XKR6: variants seen among roughly 807,000 people sequenced by gnomAD.
The protein encoded by XKR6 is XK related 6, also known as XK-related protein 6.
Under a neutral mutation model 56.7 loss-of-function variants are expected in XKR6, and 22 were observed. That is an observed-to-expected ratio of 0.39 (90% CI 0.28 to 0.55). The LOEUF (loss-of-function observed/expected upper bound fraction) is 0.55. Among genes scored for constraint, XKR6 ranks in the 20% least tolerant of loss-of-function variants. XKR6 has a pLI of 0.66. For missense variants in XKR6, 852 were observed against 889.0 expected, an observed-to-expected ratio of 0.96 and a Z score of 0.53; for synonymous variants, 524 against 387.8, an observed-to-expected ratio of 1.35 and a Z score of -4.13.
intron 1 of XKR6, among the ~76,000 whole-genome samples, chr8:10,953,982 G>A (rs1158569568): frequency 6.6e-6 from 1 of 152,170 alleles, no homozygotes. Flanking sequence ...AGTGTAGCAT[G>A]CATCAGTACT....
At chr8:11,177,933 C>T (rs143806536) in intron 1 of XKR6, among the ~76,000 whole-genome samples, 256 of 152,354 alleles carry the variant, frequency 1.7e-3, no homozygotes, top group African/African-American at 5.1e-3. Context: ...CCTGCTCCAC[C>T]TAAGCCCCTT....
intron 1 of XKR6, among the ~76,000 whole-genome samples, chr8:10,975,582 C>T (rs981171584): frequency 6.6e-5 from 10 of 152,184 alleles, no homozygotes; most frequent in African/African-American, 1.4e-4. Context: ...CTGCACAACG[C>T]GTGTGGTCTC....
At chr8:11,012,984 C>T (rs942249525) in intron 1 of XKR6, among the ~76,000 whole-genome samples, 1 of 152,176 alleles carries the variant, frequency 6.6e-6, no homozygotes, top group Admixed American at 6.5e-5. Flanking sequence ...AGAGCTCTAA[C>T]AAGATATTTG....
At chr8:11,147,636 C>T (rs1363036465) in intron 1 of XKR6, among the ~76,000 whole-genome samples, 1 of 137,138 alleles carries the variant, frequency 7.3e-6, no homozygotes, top group Non-Finnish European at 1.5e-5. Context: ...AGCCTTGTGA[C>T]AGAGCGAGAC....
intron 1 of XKR6, among the ~76,000 whole-genome samples, chr8:11,118,429 C>T (rs528287866): frequency 6.6e-6 from 1 of 152,274 alleles, no homozygotes; most frequent in East Asian, 1.9e-4. Context: ...CTGTGAAACC[C>T]TCTGGTCCTG....
intron 1 of XKR6, among the ~76,000 whole-genome samples, chr8:11,116,775 A>T (rs1402109492): frequency 6.6e-6 from 1 of 152,172 alleles, no homozygotes; most frequent in African/African-American, 2.4e-5. Flanking sequence ...TCCATGCCAC[A>T]GTCACAGCTG....
chr8:11,059,377 C>G (rs1419705932), intron 1 of XKR6, among the ~76,000 whole-genome samples: 1 of 152,232 alleles, frequency 6.6e-6, no homozygotes, highest in African/African-American at 2.4e-5. Flanking sequence ...TCTCCAGCCC[C>G]CAGCGAACTG....
At chr8:10,904,988 G>A (rs757079563) in intron 2 of XKR6, among the ~76,000 whole-genome samples, 1 of 152,194 alleles carries the variant, frequency 6.6e-6, no homozygotes, top group Non-Finnish European at 1.5e-5. Context: ...GCATGAGGCA[G>A]GACAGAAGTG....
rs551442516 is a variant in XKR6 at position 11,000,719 on chromosome 8, C to T, written c.765-75889G>A. ...TAAATAAAAATAAAGGCACATATTACATGTTTTGGGGTCTCATGATTCTAC... is the reference window on the plus strand; with the variant it reads ...TAAATAAAAATAAAGGCACATATTATATGTTTTGGGGTCTCATGATTCTAC... On this transcript the variant is annotated intron_variant, in intron 1 of 2. Coordinates refer to ENST00000416569, the MANE Select transcript of XKR6 (RefSeq NM_173683.4). 6.6e-5 allele frequency among the ~76,000 whole-genome samples: 10 copies of T among 152,246 alleles called. No homozygotes were observed. In the East Asian group the frequency reaches 1.7e-3, roughly 26 times the overall value.
At chr8:11,032,941 G>A (rs985687073) in intron 1 of XKR6, among the ~76,000 whole-genome samples, 31 of 152,146 alleles carry the variant, frequency 2.0e-4, no homozygotes, top group African/African-American at 7.5e-4. Flanking sequence ...AGATGACAAC[G>A]ATGATGATGG....
chr8:10,926,052 G>C (rs10093310), intron 1 of XKR6, among the ~76,000 whole-genome samples: 2,427 of 152,300 alleles, frequency 0.016, 63 homozygotes, highest in African/African-American at 0.053. Context: ...ACTGTCCTGT[G>C]GGATGGACAT....
At chr8:11,162,883 A>G (rs1441315936) in intron 1 of XKR6, among the ~76,000 whole-genome samples, 2 of 152,228 alleles carry the variant, frequency 1.3e-5, no homozygotes, top group Non-Finnish European at 2.9e-5. Context: ...GCTACAAGGT[A>G]AGAGTGTTTT....
At chr8:10,975,069 C>G (rs147617923) in intron 1 of XKR6, among the ~76,000 whole-genome samples, 59 of 152,330 alleles carry the variant, frequency 3.9e-4, no homozygotes, top group African/African-American at 1.3e-3. Flanking sequence ...AGCTGCCTAT[C>G]TCTCCTAGAG....
chr8:10,999,773 G>A (rs904505938), intron 1 of XKR6, among the ~76,000 whole-genome samples: 3 of 152,212 alleles, frequency 2.0e-5, no homozygotes, highest in Non-Finnish European at 2.9e-5. Flanking sequence ...TCTGTATGCC[G>A]TTGGGTTGAT....
intron 1 of XKR6, among the ~76,000 whole-genome samples, chr8:11,083,740 G>C (rs1563124890): frequency 6.6e-6 from 1 of 152,146 alleles, no homozygotes; most frequent in African/African-American, 2.4e-5. Context: ...GTATCAATAA[G>C]AGATCTGGAA....
At chr8:10,902,976 T>C (rs1249011376) in intron 2 of XKR6, among the ~76,000 whole-genome samples, 1 of 152,174 alleles carries the variant, frequency 6.6e-6, no homozygotes, top group Non-Finnish European at 1.5e-5. Context: ...GTACAGCTAG[T>C]GGGCTGAGTC....
chr8:11,122,459 C>G (rs1799503544), intron 1 of XKR6, among the ~76,000 whole-genome samples: 1 of 152,256 alleles, frequency 6.6e-6, no homozygotes, highest in South Asian at 2.1e-4. Flanking sequence ...GATTTTGGCC[C>G]TCACAGGCCC....
At chr8:11,189,608 A>C (rs887572926) in intron 1 of XKR6, among the ~76,000 whole-genome samples, 2 of 152,220 alleles carry the variant, frequency 1.3e-5, no homozygotes, top group Non-Finnish European at 2.9e-5. Context: ...CAAAAACAAA[A>C]AACAAATTCC....
At chr8:11,053,762 C>T (rs111616832) in intron 1 of XKR6, among the ~76,000 whole-genome samples, 45 of 152,342 alleles carry the variant, frequency 3.0e-4, no homozygotes, top group African/African-American at 8.2e-4. Flanking sequence ...ATAAAAACAT[C>T]CCCCAGTCCA....
Sources: gnomAD v4.1 joint callset for allele counts (sites outside exome capture counted in the v4.1 genomes callset) on GRCh38, gnomAD v4.1.1 for gene constraint, MANE v1.5 for transcripts, NCBI Gene and HGNC (gene_info 2026-07-23, HGNC 2026-07-21) for gene names.